POU2F2: variants seen among roughly 807,000 people sequenced by gnomAD.
The protein encoded by POU2F2 is POU domain, class 2, transcription factor 2.
A neutral mutation model predicts 63.5 loss-of-function variants in POU2F2; 14 were observed. The observed-to-expected ratio is 0.22, with a 90% CI of 0.15 to 0.34. The LOEUF (loss-of-function observed/expected upper bound fraction) is 0.34, where lower values mean the gene tolerates loss of function less well. Ranked by LOEUF, POU2F2 falls within the 10% of genes least tolerant of loss-of-function variation. POU2F2 has a pLI of 1.00. For synonymous variants in POU2F2, 306 were observed against 348.6 expected, an observed-to-expected ratio of 0.88 and a Z score of 1.36; for missense variants, 607 against 815.2, an observed-to-expected ratio of 0.74 and a Z score of 3.11.
intron 1 of POU2F2, among the ~76,000 whole-genome samples, chr19:42,171,431 C>CGTGTGTGTGT (rs71336804): frequency 2.3e-4 from 32 of 138,640 alleles, no homozygotes; most frequent in African/African-American, 6.3e-4. Flanking sequence ...GGCTGCGCTT[C>CGTGTGTGTGT]GTGTGTGTGT....
In POU2F2 at chr19:42,088,131, A is replaced by AG; in HGVS notation, c.*3125dup. The AG allele has an allele frequency of 6.6e-6, 1 of 152,016 alleles. No individual in the cohort carries two copies. 9.4% of individuals were successfully genotyped at this position (152,016 alleles called of 1,614,324 possible). On this transcript the variant is annotated 3_prime_UTR_variant, in exon 15 of 15. Coordinates refer to ENST00000692977, the MANE Select transcript of POU2F2 (RefSeq NM_001394376.1). The stretch of plus-strand genomic sequence containing the variant: ...GTGCCTTATCTCGAGTCCTCAGGGG[A>AG]GGGGGGCCCAGGGGGAGACCTGGGG...
chr19:42,196,769 C>G (rs913851383), upstream of POU2F2, among the ~76,000 whole-genome samples: 1 of 152,280 alleles, frequency 6.6e-6, no homozygotes, highest in Admixed American at 6.5e-5. Flanking sequence ...CTCAGGGAGG[C>G]TCTGGAGGCG....
At chr19:42,185,519 G>A (rs2035003395) in intron 1 of POU2F2, among the ~76,000 whole-genome samples, 2 of 152,118 alleles carry the variant, frequency 1.3e-5, no homozygotes, top group East Asian at 3.9e-4. Flanking sequence ...TATGCATCCT[G>A]TACTGCAACC....
chr19:42,143,810 CCTTA>C (rs1311257165), intron 2 of POU2F2, among the ~76,000 whole-genome samples: 1 of 152,160 alleles, frequency 6.6e-6, no homozygotes, highest in East Asian at 1.9e-4. Flanking sequence ...AGGCTCGTCC[CCTTA>C]CTTACTCCAG....
rs757085395 is a variant in POU2F2 at position 42,091,531 on chromosome 19, A to C, written c.1601T>G (p.Leu534Arg). ...CCCCGGGGCTGCACCGGCTGCCCCC[A>C]GCACCAGATTCCCGCTGCCATCAAG... ...TSLDGSGNLV[L>R]GAAGAAPGSP... Residue 534 changes from leucine to arginine, a missense_variant, in exon 15 of 15, where the codon CTG (leucine) becomes CGG (arginine). This residue lies in a region of POU2F2 where 270 missense variants were observed against 307.5 expected (regional missense o/e 0.88). Coordinates refer to ENST00000692977, the MANE Select transcript of POU2F2 (RefSeq NM_001394376.1). 6.5e-7 allele frequency: 1 copy of C among 1,547,708 alleles called. No individual in the cohort carries two copies.
At chr19:42,123,830 C>A (rs930240435) in intron 1 of POU2F2, among the ~76,000 whole-genome samples, 7 of 152,110 alleles carry the variant, frequency 4.6e-5, no homozygotes, top group Admixed American at 1.3e-4. Flanking sequence ...CACCTTGAAT[C>A]CCAAGTTGTG....
upstream of POU2F2, chr19:42,133,319 CCCCTCCCCAACA>C (rs2033887760): frequency 6.6e-6 from 1 of 152,136 alleles, no homozygotes; most frequent in Non-Finnish European, 1.5e-5. The surrounding 1 kb of genome is among the most constrained non-coding windows in gnomAD (Gnocchi z 5.1). Context: ...TCCCTCCGCT[CCCCTCCCCAACA>C]CCCTCCCAAC....
At chr19:42,172,853 G>T (rs1001123438) in intron 1 of POU2F2, among the ~76,000 whole-genome samples, 2 of 152,214 alleles carry the variant, frequency 1.3e-5, no homozygotes, top group African/African-American at 4.8e-5. Context: ...ATCTCAGGGG[G>T]CAGGGAGGAA....
At chr19:42,118,668 C>G (rs55751458) in intron 4 of POU2F2, among the ~76,000 whole-genome samples, 1 of 152,236 alleles carries the variant, frequency 6.6e-6, no homozygotes, top group Admixed American at 6.5e-5. Context: ...TCCTCCATTC[C>G]TAGGTAAAAA....
intron 1 of POU2F2, among the ~76,000 whole-genome samples, chr19:42,160,653 C>T (rs1490200947): frequency 6.6e-6 from 1 of 152,200 alleles, no homozygotes. Context: ...ATCTGTTTTT[C>T]CCATCAGACT....
chr19:42,101,749 G>A (rs938549545), intron 5 of POU2F2, among the ~76,000 whole-genome samples: 25 of 151,868 alleles, frequency 1.6e-4, no homozygotes, highest in African/African-American at 6.1e-4. Context: ...AGGCTGAGGC[G>A]GGAGGATCAC....
At chr19:42,143,711 T>C (rs1319709006) in intron 2 of POU2F2, among the ~76,000 whole-genome samples, 1 of 152,184 alleles carries the variant, frequency 6.6e-6, no homozygotes, top group African/African-American at 2.4e-5. Context: ...TTTCTGTTCC[T>C]GCAATCCACG....
chr19:42,165,254 G>A (rs2034627934), intron 1 of POU2F2, among the ~76,000 whole-genome samples: 1 of 152,214 alleles, frequency 6.6e-6, no homozygotes, highest in Admixed American at 6.5e-5. Flanking sequence ...TGAATTTGAA[G>A]TCTGCTGAAT....
chr19:42,155,517 C>A lies in POU2F2; in HGVS notation c.-9+4815G>T, dbSNP rs2034441126. 6.6e-6 allele frequency among the ~76,000 whole-genome samples: 1 copy of A among 152,164 alleles called. No homozygotes were observed. The highest frequency in any genetic ancestry group is 2.4e-5 in the African/African-American group (1 of 41,422). On this transcript the variant is annotated intron_variant, in intron 2 of 6. Transcript: ENST00000524801. The surrounding 1 kb of genome is among the most constrained non-coding windows in gnomAD (Gnocchi z 4.2). ...GGGCACAGTGGTCCTAGCCTGTAGT[C>A]CCAGCTACATAGGAGACTGAGGCAG...
At chr19:42,108,666 C>A (rs763994291) in intron 5 of POU2F2, among the ~76,000 whole-genome samples, 7 of 152,160 alleles carry the variant, frequency 4.6e-5, no homozygotes, top group Non-Finnish European at 1.0e-4. Flanking sequence ...CTAGGGTAAG[C>A]CGGTAGGAGG....
intron 1 of POU2F2, among the ~76,000 whole-genome samples, chr19:42,126,534 C>T (rs550103157): frequency 2.6e-5 from 4 of 152,206 alleles, no homozygotes; most frequent in African/African-American, 9.6e-5. Context: ...GACCAGTGGA[C>T]CACAAGCCAA....
Position 42,095,729 on chromosome 19 carries a change from C to T in POU2F2, c.872-36G>A. On this transcript the variant is annotated intron_variant, in intron 9 of 14. Transcript: ENST00000692977. The surrounding 1 kb of genome is among the most constrained non-coding windows in gnomAD (Gnocchi z 7.1). ...GGGGAGACGTGAGCATGAGAAGGGG[C>T]CTCCCGCGGCCAGCGGCCACTGCCC... 6.2e-7 allele frequency: 1 copy of T among 1,612,186 alleles called. No homozygotes were observed. Among genetic ancestry groups the T allele is most frequent in the Non-Finnish European group, 8.5e-7 (1 of 1,179,820 alleles).
rs982076664 is a variant in POU2F2 at position 42,171,552 on chromosome 19, G to C, written c.-70+4411C>G. ...GAGGGGCCGTGTCTGTTTTGGGCAT[G>C]GGGGGCAGTGCGGTACAGGCATCTG... On this transcript the variant is annotated intron_variant, in intron 1 of 6. Transcript: ENST00000524801. Among the ~76,000 whole-genome samples, 3 of 151,986 alleles carry C rather than the reference G, an allele frequency of 2.0e-5. 1 individual carries two copies. Among genetic ancestry groups the C allele is most frequent in the Non-Finnish European group, 4.4e-5 (3 of 67,970 alleles).
chr19:42,091,915 C>T lies in POU2F2; in HGVS notation c.1492G>A (p.Gly498Arg). The change falls in exon 14 of 15, where the codon GGG becomes AGG. Residue 498 changes from glycine (G) to arginine (R), a missense_variant. This residue lies in a region of POU2F2 where 270 missense variants were observed against 307.5 expected (regional missense o/e 0.88). Transcript: ENST00000692977. ...TGSTMVGLSSGLSPALMSNNP... is the reference protein window; with the variant it reads ...TGSTMVGLSSRLSPALMSNNP... ...TTGCTCATGAGGGCTGGACTCAGCC[C>T]GGAGCTCAACCCCACCATTGTGCTT... 5.2e-6 allele frequency: 8 copies of T among 1,540,740 alleles called. No homozygotes were observed. Among genetic ancestry groups the T allele is most frequent in the South Asian group, 1.2e-5 (1 of 84,010 alleles).
Sources: allele counts gnomAD v4.1 joint callset (sites outside exome capture counted in the v4.1 genomes callset), GRCh38; gene constraint gnomAD v4.1.1; regional missense constraint gnomAD v4.1.1; non-coding constraint Gnocchi (gnomAD v3.1); transcripts MANE v1.5; gene names NCBI Gene and HGNC (gene_info 2026-07-23, HGNC 2026-07-21).